The following SLC25A21 variants were observed in gnomAD, a reference collection of about 807,000 sequenced individuals.
SLC25A21 encodes the protein solute carrier family 25 member 21.
In SLC25A21, 47 loss-of-function variants were observed where a neutral mutation model predicts 43.8. The observed-to-expected ratio is 1.07, with a 90% CI of 0.85 to 1.37. The LOEUF is 1.37. SLC25A21 is among the 40% of genes most tolerant of loss of function. The probability of loss-of-function intolerance (pLI) is 0.00; values close to 1 mark genes in which losing one functional copy is unlikely to be tolerated. For missense variants in SLC25A21, 352 were observed against 350.2 expected, an observed-to-expected ratio of 1.00 and a Z score of -0.04; for synonymous variants, 131 against 121.3, an observed-to-expected ratio of 1.08 and a Z score of -0.52.
intron 1 of SLC25A21, among the ~76,000 whole-genome samples, chr14:37,104,741 G>C (rs1962880913): frequency 6.6e-6 from 1 of 152,142 alleles, no homozygotes; most frequent in Non-Finnish European, 1.5e-5. Flanking sequence ...TCTTGCTCAA[G>C]ATCACACAGG....
At chr14:36,895,456 A>C (rs1018838013) in intron 1 of SLC25A21, among the ~76,000 whole-genome samples, 52 of 152,152 alleles carry the variant, frequency 3.4e-4, no homozygotes, top group African/African-American at 1.1e-3. Flanking sequence ...TCTTGCTAGC[A>C]GTCTATCAAT....
At chr14:36,820,821 C>T (rs142171417) in intron 2 of SLC25A21, among the ~76,000 whole-genome samples, 15 of 152,154 alleles carry the variant, frequency 9.9e-5, no homozygotes, top group African/African-American at 3.1e-4. Flanking sequence ...CAGAGATTTC[C>T]GTGAATGTGC....
At chr14:36,932,337 G>C (rs1308212944) in intron 1 of SLC25A21, among the ~76,000 whole-genome samples, 3 of 152,116 alleles carry the variant, frequency 2.0e-5, no homozygotes, top group African/African-American at 7.2e-5. Context: ...TTCTGCTCAG[G>C]TCAGTGGTTG....
chr14:36,756,734 A>G (rs1453166627), intron 3 of SLC25A21, among the ~76,000 whole-genome samples: 4 of 152,230 alleles, frequency 2.6e-5, no homozygotes, highest in Non-Finnish European at 5.9e-5. Flanking sequence ...AACCTGGTAC[A>G]GTTCCTTAGA....
intron 3 of SLC25A21, among the ~76,000 whole-genome samples, chr14:36,754,687 A>T (rs955235173): frequency 2.0e-5 from 3 of 152,134 alleles, no homozygotes; most frequent in African/African-American, 7.2e-5. Flanking sequence ...AATTTCCAGA[A>T]TGATATAAAT....
intron 1 of SLC25A21, among the ~76,000 whole-genome samples, chr14:37,106,179 A>G (rs1962908783): frequency 6.6e-6 from 1 of 152,128 alleles, no homozygotes; most frequent in Non-Finnish European, 1.5e-5. Flanking sequence ...AAAAAACAGA[A>G]TAACAGCAAT....
Position 36,786,009 on chromosome 14 carries a change from T to C in SLC25A21, c.203+27909A>G, listed in dbSNP as rs569311572. On this transcript the variant is annotated intron_variant, in intron 3 of 9. Coordinates refer to ENST00000331299, the MANE Select transcript of SLC25A21 (RefSeq NM_030631.4). ...ATATGGTATCACTGAACATTATTTC[T>C]TGGGGACAAATGTGATATTCCTAGT... Among the ~76,000 whole-genome samples the C allele has an allele frequency of 1.1e-4, 17 of 152,344 alleles. No individual in the cohort carries two copies. The East Asian group carries it at 3.3e-3, about 29-fold the overall frequency.
intron 1 of SLC25A21, among the ~76,000 whole-genome samples, chr14:36,882,884 G>A (rs138472572): frequency 4.0e-5 from 6 of 151,712 alleles, no homozygotes; most frequent in East Asian, 3.9e-4. Context: ...GGATGCTTCC[G>A]TCTCTCTCAC....
chr14:36,849,394 G>A (rs570249332), intron 2 of SLC25A21, among the ~76,000 whole-genome samples: 1 of 152,100 alleles, frequency 6.6e-6, no homozygotes, highest in African/African-American at 2.4e-5. Flanking sequence ...CAACAAATCC[G>A]ATGTTAAGGA....
At chr14:36,973,454 A>C (rs1959799644) in intron 1 of SLC25A21, among the ~76,000 whole-genome samples, 1 of 152,180 alleles carries the variant, frequency 6.6e-6, no homozygotes, top group Non-Finnish European at 1.5e-5. Context: ...AGAAAACAGA[A>C]AAGTTGCAGC....
chr14:36,896,414 T>C (rs149315265), intron 1 of SLC25A21, among the ~76,000 whole-genome samples: 4 of 152,334 alleles, frequency 2.6e-5, no homozygotes, highest in Non-Finnish European at 5.9e-5. Flanking sequence ...TCCATCCCTT[T>C]ATTTTGAGCT....
intron 1 of SLC25A21, among the ~76,000 whole-genome samples, chr14:37,054,709 T>C (rs1450791110): frequency 8.4e-6 from 1 of 119,420 alleles, no homozygotes; most frequent in Non-Finnish European, 1.7e-5. Context: ...ATTTGGAAAA[T>C]AGAACTAAAA....
At chr14:36,845,348 A>G (rs1889508908) in intron 2 of SLC25A21, among the ~76,000 whole-genome samples, 1 of 152,244 alleles carries the variant, frequency 6.6e-6, no homozygotes, top group African/African-American at 2.4e-5. Flanking sequence ...AGAGCATGTG[A>G]AAAAACTGGA....
At chr14:37,104,241 C>CT (rs1441555326) in intron 1 of SLC25A21, among the ~76,000 whole-genome samples, 1 of 152,180 alleles carries the variant, frequency 6.6e-6, no homozygotes, top group East Asian at 1.9e-4. Flanking sequence ...CTCAAGGGAG[C>CT]TTGTTCACCC....
At chr14:36,827,312 T>C (rs1888868913) in intron 2 of SLC25A21, among the ~76,000 whole-genome samples, 1 of 152,116 alleles carries the variant, frequency 6.6e-6, no homozygotes, top group Non-Finnish European at 1.5e-5. Context: ...CATTGCACTA[T>C]CCCTTTCGGT....
At chr14:36,948,680 A>G (rs959064252) in intron 1 of SLC25A21, among the ~76,000 whole-genome samples, 5 of 152,186 alleles carry the variant, frequency 3.3e-5, no homozygotes, top group Admixed American at 2.6e-4. Context: ...CACTAGCCAC[A>G]AGTGGCAATT....
At chr14:36,866,755 T>C (rs1344756697) in intron 2 of SLC25A21, among the ~76,000 whole-genome samples, 1 of 152,196 alleles carries the variant, frequency 6.6e-6, no homozygotes, top group Non-Finnish European at 1.5e-5. Flanking sequence ...ATGGAGCATT[T>C]GAAATGTGGC....
Position 37,108,704 on chromosome 14 carries a change from AGTGT to A in SLC25A21, c.70+63573_70+63576del, listed in dbSNP as rs56801840. Among the ~76,000 whole-genome samples the A allele has an allele frequency of 6.5e-3, 968 of 149,338 alleles. 11 individuals carry two copies. Among genetic ancestry groups the A allele is most frequent in the African/African-American group, 0.02 (803 of 40,120 alleles). ...GAATTAAAAGATGTGAGTTTTGTTAAGTGTGTGTGTGTGTGTGTGTGTGTGTGTG... is the reference window on the plus strand; with the variant it reads ...GAATTAAAAGATGTGAGTTTTGTTAAGTGTGTGTGTGTGTGTGTGTGTGTG... On this transcript the variant is annotated intron_variant, in intron 1 of 9. Transcript: ENST00000331299.
intron 1 of SLC25A21, among the ~76,000 whole-genome samples, chr14:37,051,146 G>T (rs1961694874): frequency 6.6e-6 from 1 of 152,134 alleles, no homozygotes; most frequent in Admixed American, 6.5e-5. Flanking sequence ...TTTGCCTATT[G>T]TTCACTGTTT....
Sources: allele counts gnomAD v4.1 joint callset (sites outside exome capture counted in the v4.1 genomes callset), GRCh38; gene constraint gnomAD v4.1.1; transcripts MANE v1.5; gene names NCBI Gene and HGNC (gene_info 2026-07-23, HGNC 2026-07-21).